Variants in ATP8A2 observed in about 807,000 individuals in gnomAD.
ATP8A2 encodes the protein phospholipid-transporting ATPase IB.
Under a neutral mutation model 165.6 loss-of-function variants are expected in ATP8A2, and 100 were observed. That is an observed-to-expected ratio of 0.60 (90% confidence interval 0.51 to 0.71). The LOEUF is 0.71. ATP8A2 is among the 30% of genes least tolerant of loss of function. ATP8A2 has a pLI of 0.00. For synonymous variants in ATP8A2, 543 were observed against 548.8 expected (o/e 0.99, Z 0.15); for missense variants, 1,227 against 1,479.5 (o/e 0.83, Z 2.80).
chr13:25,482,343 C>T (rs2036229906), intron 2 of ATP8A2, among the ~76,000 whole-genome samples: 1 of 152,160 alleles, frequency 6.6e-6, no homozygotes, highest in African/African-American at 2.4e-5. Context: ...ATTGCAGTCC[C>T]TCTCTGTCAA....
intron 2 of ATP8A2, among the ~76,000 whole-genome samples, chr13:25,475,408 C>T (rs188377268): frequency 6.6e-6 from 1 of 152,046 alleles, no homozygotes; most frequent in African/African-American, 2.4e-5. Context: ...TTTCTTTATC[C>T]AGTCTGTTGT....
At chr13:25,509,950 ACGC>A (rs2037169317) in intron 2 of ATP8A2, among the ~76,000 whole-genome samples, 1 of 152,218 alleles carries the variant, frequency 6.6e-6, no homozygotes, top group African/African-American at 2.4e-5. Flanking sequence ...CATCTGGCGC[ACGC>A]CCCAAATGTT....
At chr13:25,532,946 A>C (rs2038161657) in intron 5 of ATP8A2, among the ~76,000 whole-genome samples, 1 of 152,154 alleles carries the variant, frequency 6.6e-6, no homozygotes. Flanking sequence ...GATTACAGGT[A>C]TGAGCCACTG....
intron 24 of ATP8A2, among the ~76,000 whole-genome samples, chr13:25,606,845 A>G: frequency 6.6e-6 from 1 of 152,178 alleles, no homozygotes; most frequent in East Asian, 1.9e-4. Flanking sequence ...ATCAATTTTA[A>G]GTAATTTAAA....
intron 1 of ATP8A2, among the ~76,000 whole-genome samples, chr13:25,418,134 T>G (rs1393391091): frequency 3.3e-5 from 5 of 152,266 alleles, no homozygotes; most frequent in Admixed American, 6.5e-5. Flanking sequence ...CCATTAGCAA[T>G]TAGGGAACCA....
chr13:25,944,907 G>A (rs1041052), intron 33 of ATP8A2: 64,741 of 152,126 alleles, frequency 0.43, 15,778 homozygotes, highest in East Asian at 0.7. Flanking sequence ...CAACTCCTGA[G>A]CTTTATTTCC....
intron 33 of ATP8A2, among the ~76,000 whole-genome samples, chr13:25,884,027 G>A (rs1395402376): frequency 6.6e-6 from 1 of 152,174 alleles, no homozygotes; most frequent in South Asian, 2.1e-4. Flanking sequence ...GAGAAATGGA[G>A]TTCAGGGGGC....
At chr13:25,601,269 A>G (rs74041039) in intron 24 of ATP8A2, among the ~76,000 whole-genome samples, 5,551 of 152,102 alleles carry the variant, frequency 0.036, 343 homozygotes, top group African/African-American at 0.13. Context: ...CAGTTTTCCA[A>G]TTTGATCTTT....
chr13:25,830,883 C>T (rs1951444218), intron 28 of ATP8A2, among the ~76,000 whole-genome samples: 1 of 152,194 alleles, frequency 6.6e-6, no homozygotes, highest in Admixed American at 6.5e-5. Context: ...TCCTCTTATA[C>T]AACCGAAGTA....
intron 13 of ATP8A2, among the ~76,000 whole-genome samples, chr13:25,558,072 T>C (rs1300155818): frequency 6.6e-6 from 1 of 151,954 alleles, no homozygotes; most frequent in African/African-American, 2.4e-5. Context: ...CCTGGCTAAT[T>C]TGTTTTGTAT....
intron 25 of ATP8A2, among the ~76,000 whole-genome samples, chr13:25,726,305 A>C (rs373596084): frequency 1.3e-5 from 2 of 152,332 alleles, no homozygotes; most frequent in East Asian, 3.9e-4. Flanking sequence ...AAGGCGCAAA[A>C]GTGTGAAAAG....
At chr13:25,647,620 C>G (rs1457969141) in intron 24 of ATP8A2, among the ~76,000 whole-genome samples, 1 of 151,710 alleles carries the variant, frequency 6.6e-6, no homozygotes, top group African/African-American at 2.4e-5. Context: ...GTTTCCTGTA[C>G]TTGGATATTG....
At chr13:25,630,078 TCC>T (rs34642362) in intron 24 of ATP8A2, among the ~76,000 whole-genome samples, 11 of 147,890 alleles carry the variant, frequency 7.4e-5, no homozygotes, top group South Asian at 2.1e-4. Flanking sequence ...CACCTTTTTG[TCC>T]CCCCCCCACC....
chr13:25,428,347 C>G (rs1475554331), intron 1 of ATP8A2, among the ~76,000 whole-genome samples: 1 of 152,222 alleles, frequency 6.6e-6, no homozygotes, highest in Non-Finnish European at 1.5e-5. Flanking sequence ...ACACCGACCA[C>G]TACTTCTTGG....
intron 31 of ATP8A2, among the ~76,000 whole-genome samples, chr13:25,860,545 T>C (rs1320758627): frequency 6.6e-6 from 1 of 152,132 alleles, no homozygotes; most frequent in Non-Finnish European, 1.5e-5. Context: ...GAAGGTGGTA[T>C]CTCCCAAGCT....
chr13:25,782,232 T>C lies in ATP8A2; in HGVS notation c.2679+7273T>C, dbSNP rs151115600. ...GTGCATCTGCCTTGGCAGAGTTAGC[T>C]TTATGTTTCCTGTTACAGCTTTTAT... is the stretch of plus-strand genomic sequence containing the variant. On this transcript the variant is annotated intron_variant, in intron 27 of 36. Transcript: ENST00000381655. 4.1e-3 allele frequency among the ~76,000 whole-genome samples: 630 copies of C among 152,376 alleles called. 6 individuals carry two copies. The highest frequency in any genetic ancestry group is 0.014 in the African/African-American group (599 of 41,588).
At chr13:25,608,967 A>G (rs1474798909) in intron 24 of ATP8A2, among the ~76,000 whole-genome samples, 1 of 152,212 alleles carries the variant, frequency 6.6e-6, no homozygotes, top group Non-Finnish European at 1.5e-5. Context: ...TGGAAATTAG[A>G]AAATACTTAG....
intron 1 of ATP8A2, among the ~76,000 whole-genome samples, chr13:25,412,825 A>C (rs528152929): frequency 6.6e-6 from 1 of 152,142 alleles, no homozygotes; most frequent in Non-Finnish European, 1.5e-5. Context: ...AAATGGATCA[A>C]TTTTTTTTGG....
chr13:25,888,449 A>G (rs1953240739), intron 33 of ATP8A2, among the ~76,000 whole-genome samples: 1 of 152,224 alleles, frequency 6.6e-6, no homozygotes, highest in African/African-American at 2.4e-5. Flanking sequence ...AAAAGCAAAA[A>G]AGGAAGCAAC....
Sources: gnomAD v4.1 joint callset for allele counts (sites outside exome capture counted in the v4.1 genomes callset) on GRCh38, gnomAD v4.1.1 for gene constraint, MANE v1.5 for transcripts, NCBI Gene and HGNC (gene_info 2026-07-23, HGNC 2026-07-21) for gene names.